The following ESR2 variants were observed in gnomAD, a reference collection of about 807,000 sequenced individuals.
ESR2 encodes estrogen receptor beta.
Under a neutral mutation model 49.6 loss-of-function variants are expected in ESR2, and 36 were observed. That is an observed-to-expected ratio of 0.73 (90% confidence interval 0.56 to 0.96). The LOEUF is 0.96. Ranked by LOEUF, ESR2 falls within the 40% of genes least tolerant of loss-of-function variation. The pLI is 0.00. For missense variants in ESR2, 714 were observed against 693.0 expected, an observed-to-expected ratio of 1.03 and a Z score of -0.34; for synonymous variants, 320 against 266.1, an observed-to-expected ratio of 1.20 and a Z score of -1.97.
chr14:64,305,552 T>C (rs1365337460), intron 1 of ESR2, among the ~76,000 whole-genome samples: 4 of 151,546 alleles, frequency 2.6e-5, no homozygotes, highest in African/African-American at 9.7e-5. Flanking sequence ...ACACCTGTAG[T>C]CTCAGCTACT....
At chr14:64,300,510 A>T (rs1254124856) in intron 1 of ESR2, among the ~76,000 whole-genome samples, 2 of 152,212 alleles carry the variant, frequency 1.3e-5, no homozygotes, top group Non-Finnish European at 2.9e-5. Context: ...CTGCAATCCC[A>T]GCACTTTGGG....
intron 1 of ESR2, chr14:64,332,320 G>A (rs2077469874): frequency 2.0e-5 from 3 of 152,232 alleles, no homozygotes; most frequent in Admixed American, 6.5e-5. Flanking sequence ...AGTGATCTGC[G>A]AAATGCAAAC....
intron 1 of ESR2, among the ~76,000 whole-genome samples, chr14:64,305,981 C>T (rs1439831244): frequency 4.6e-5 from 7 of 152,036 alleles, no homozygotes; most frequent in Admixed American, 4.6e-4. Flanking sequence ...GAGGCCGAGG[C>T]AGGCGGATCA....
Position 64,260,443 on chromosome 14 carries a change from C to T in ESR2, c.952+6G>A. The stretch of plus-strand genomic sequence containing the variant: ...ACATGGAAAACTGATAGCCAGAAAG[C>T]CCTACCGGGAATCTTCTTGGCCCAG... On this transcript the variant is annotated splice_donor_region_variant and intron_variant, in intron 5 of 8. Coordinates refer to ENST00000341099, the MANE Select transcript of ESR2 (RefSeq NM_001437.3). 1 of 1,522,718 alleles carries T rather than the reference C, an allele frequency of 6.6e-7. No individual in the cohort carries two copies. Among genetic ancestry groups the T allele is most frequent in the Non-Finnish European group, 8.8e-7 (1 of 1,136,600 alleles). The allele number at this position is 1,522,718 out of a possible 1,614,324, so 94.3% of individuals were successfully genotyped here. A position where few individuals can be genotyped will look rare whatever the true frequency, so the allele number is the denominator to read the frequency against.
In ESR2 at chr14:64,233,296, G is replaced by T. The variant is rs1022306779; in HGVS notation, c.1434C>A (p.Asn478Lys). ...CTGGGACCACATTTTTGCACTTCATGTTGAGCAGATGTTCCATGCCCTTGT... is the reference window on the plus strand; with the variant it reads ...CTGGGACCACATTTTTGCACTTCATTTTGAGCAGATGTTCCATGCCCTTGT... ...ASNKGMEHLLNMKCKNVVPVY... is the reference protein window; with the variant it reads ...ASNKGMEHLLKMKCKNVVPVY... The change falls in exon 9 of 9, where the codon AAC (asparagine) becomes AAA (lysine). Residue 478 changes from asparagine to lysine, a missense_variant. Transcript: ENST00000341099. 9.9e-6 allele frequency: 16 copies of T among 1,613,904 alleles called. No homozygotes were observed. Among genetic ancestry groups the T allele is most frequent in the African/African-American group, 1.3e-5 (1 of 74,918 alleles).
Position 64,294,078 on chromosome 14 carries a change from C to T in ESR2, c.-136G>A, listed in dbSNP as rs952199921. ...CCTTGCCTTCTCTAAAATGCGGACA[C>T]GTGCTTTTCCCGCATTAGGGGGGGT... On this transcript the variant is annotated 5_prime_UTR_variant, in exon 1 of 9. The change creates a new upstream start codon in the 5' untranslated region. Coordinates refer to ENST00000341099, the MANE Select transcript of ESR2 (RefSeq NM_001437.3). The T allele has an allele frequency of 6.6e-6, 1 of 152,214 alleles. No individual in the cohort carries two copies. The highest frequency in any genetic ancestry group is 1.5e-5 in the Non-Finnish European group (1 of 68,084). The allele number at this position is 152,214 out of a possible 1,614,324, so 9.4% of individuals were successfully genotyped here.
At chr14:64,283,164 G>T in intron 1 of ESR2, 89 bp from the exon 2 acceptor site, 1 of 527,650 alleles carries the variant, frequency 1.9e-6, no homozygotes, top group Non-Finnish European at 3.2e-6. Context: ...AAATACATAC[G>T]TTTGTATGAG....
At position 64,261,809 on chromosome 14, in the gene ESR2, T is replaced by G. The variant is rs150967846; in HGVS notation, c.653-1061A>C. Among the ~76,000 whole-genome samples, 468 of 152,270 alleles carry G rather than the reference T, an allele frequency of 3.1e-3. 2 individuals are homozygous for G. Among genetic ancestry groups the G allele is most frequent in the African/African-American group, 0.011 (447 of 41,546 alleles). On this transcript the variant is annotated intron_variant, in intron 4 of 8. Transcript: ENST00000341099. ...CTCTGTTGCCCAAGCTGGAGTGTAA[T>G]GATGCAATCATAGCTCACTGCAGCC... is the stretch of plus-strand genomic sequence containing the variant.
chr14:64,337,288 T>C (rs2077543313), intron 1 of ESR2: 1 of 152,230 alleles, frequency 6.6e-6, no homozygotes, highest in African/African-American at 2.4e-5. Flanking sequence ...TCAAAGTCGA[T>C]TTCATCATCT....
intron 1 of ESR2, among the ~76,000 whole-genome samples, chr14:64,319,113 A>G (rs1163894617): frequency 6.6e-6 from 1 of 152,172 alleles, no homozygotes; most frequent in East Asian, 1.9e-4. Flanking sequence ...AAAGAAATAG[A>G]CTCATCCAAA....
chr14:64,243,289 A>G (rs1188504011), intron 7 of ESR2, among the ~76,000 whole-genome samples: 8 of 152,236 alleles, frequency 5.3e-5, no homozygotes. Context: ...TGGCACCCCA[A>G]AACAATTACA....
chr14:64,273,248 GATC>G (rs2076485325), intron 3 of ESR2, among the ~76,000 whole-genome samples: 1 of 151,972 alleles, frequency 6.6e-6, no homozygotes, highest in Admixed American at 6.6e-5. Flanking sequence ...CCAAATATAA[GATC>G]ATCAGCAAAC....
intron 1 of ESR2, among the ~76,000 whole-genome samples, chr14:64,304,453 A>C (rs1224051192): frequency 1.3e-5 from 2 of 152,236 alleles, no homozygotes; most frequent in African/African-American, 4.8e-5. Flanking sequence ...AGGAAAAACA[A>C]GGCAAAAGTT....
At chr14:64,240,366 C>A (rs976476670) in intron 7 of ESR2, among the ~76,000 whole-genome samples, 2 of 152,198 alleles carry the variant, frequency 1.3e-5, no homozygotes, top group Non-Finnish European at 2.9e-5. Flanking sequence ...AAGTTCGCAG[C>A]CTTTTGACTT....
At chr14:64,320,793 G>A (rs1263381748) in intron 1 of ESR2, among the ~76,000 whole-genome samples, 2 of 152,122 alleles carry the variant, frequency 1.3e-5, no homozygotes, top group East Asian at 3.9e-4. Context: ...TACTCAGGAG[G>A]CTGAGGCAGG....
chr14:64,263,900 A>C (rs912398873), intron 4 of ESR2, among the ~76,000 whole-genome samples: 4 of 152,246 alleles, frequency 2.6e-5, no homozygotes, highest in Non-Finnish European at 4.4e-5. Flanking sequence ...GCAATGAAGA[A>C]AATCTTAAAA....
At chr14:64,299,057 A>T (rs148750940), upstream of ESR2, among the ~76,000 whole-genome samples, 2 of 152,258 alleles carry the variant, frequency 1.3e-5, no homozygotes, top group East Asian at 3.9e-4. Context: ...GCAATTTCAC[A>T]AATGACTCAA....
chr14:64,254,553 C>T (rs2076058044), intron 6 of ESR2, among the ~76,000 whole-genome samples: 1 of 149,444 alleles, frequency 6.7e-6, no homozygotes, highest in Non-Finnish European at 1.5e-5. Flanking sequence ...TCGAGACCAG[C>T]TTGGCCAACA....
downstream of ESR2, chr14:64,227,623 G>C: frequency 6.2e-7 from 1 of 1,614,134 alleles, no homozygotes; most frequent in Non-Finnish European, 8.5e-7. Flanking sequence ...CCCTTAAGTA[G>C]AGATGCGGGA....
Sources: allele counts gnomAD v4.1 joint callset (sites outside exome capture counted in the v4.1 genomes callset), GRCh38; gene constraint gnomAD v4.1.1; transcripts MANE v1.5; gene names NCBI Gene and HGNC (gene_info 2026-07-23, HGNC 2026-07-21).